ATP8A1: variants seen among roughly 807,000 people sequenced by gnomAD.
ATP8A1 encodes phospholipid-transporting ATPase IA.
ATP8A1 carries 90 observed loss-of-function variants against 177.7 expected under a neutral mutation model. That is an observed-to-expected ratio of 0.51 (90% CI 0.43 to 0.60). ATP8A1 has a LOEUF of 0.60. Ranked by LOEUF, ATP8A1 falls within the 20% of genes least tolerant of loss-of-function variation. The pLI is 0.00. For synonymous variants in ATP8A1, 493 were observed against 485.9 expected (o/e 1.01, Z -0.19); for missense variants, 1,072 against 1,392.8 (o/e 0.77, Z 3.67).
chr4:42,420,791 C>G (rs1481822754), intron 35 of ATP8A1, among the ~76,000 whole-genome samples: 1 of 135,652 alleles, frequency 7.4e-6, no homozygotes, highest in Non-Finnish European at 1.5e-5. Context: ...TTTTTTGAGA[C>G]AGAGTCTCGC....
At position 42,616,049 on chromosome 4, in the gene ATP8A1, G is replaced by T; in HGVS notation, c.393C>A (p.Asn131Lys). The T allele has an allele frequency of 6.2e-7, 1 of 1,611,954 alleles. No homozygotes were observed. Among genetic ancestry groups the T allele is most frequent in the Non-Finnish European group, 8.5e-7 (1 of 1,179,182 alleles). ...IKRHKADNAV[N>K]KKQTQVLRNG... The stretch of plus-strand genomic sequence containing the variant: ...AATTCCTACCTTGCGTTTGTTTCTT[G>T]TTCACTGCATTATCAGCTTTATGTC... The change falls in exon 5 of 37, where the codon AAC becomes AAA. Residue 131 changes from asparagine (N) to lysine (K), a missense_variant. This residue lies in a region of ATP8A1 where 344 missense variants were observed against 393.5 expected (regional missense o/e 0.87). Coordinates refer to ENST00000381668, the MANE Select transcript of ATP8A1 (RefSeq NM_006095.2).
intron 4 of ATP8A1, among the ~76,000 whole-genome samples, chr4:42,622,236 G>C (rs920056499): frequency 1.4e-5 from 2 of 145,484 alleles, no homozygotes; most frequent in Non-Finnish European, 3.1e-5. Context: ...AAAAAAATTA[G>C]CCGGGAATGG....
chr4:42,481,737 G>C (rs1721692449), intron 25 of ATP8A1, among the ~76,000 whole-genome samples: 1 of 152,136 alleles, frequency 6.6e-6, no homozygotes, highest in South Asian at 2.1e-4. Flanking sequence ...ACCCCTGAAG[G>C]GCTTCATGAA....
chr4:42,446,715 A>G, intron 30 of ATP8A1, 71 bp from the exon 31 acceptor site: 1 of 1,450,480 alleles, frequency 6.9e-7, no homozygotes, highest in African/African-American at 1.4e-5. Flanking sequence ...AGATATTCAG[A>G]AAGTTTGAAC....
chr4:42,481,004 TTAAAC>T lies in ATP8A1; in HGVS notation c.2324+4487_2324+4491del, dbSNP rs762161298. ...ACAGAACATAAGTTTCAAAATATGT[TTAAAC>T]TAAACTGACAACTACAGAAAAATGT... On this transcript the variant is annotated intron_variant, in intron 25 of 36. Transcript: ENST00000381668. 1.7e-4 allele frequency among the ~76,000 whole-genome samples: 26 copies of T among 152,318 alleles called. 1 individual carries two copies. In the South Asian group the frequency reaches 4.8e-3, roughly 28 times the overall value.
intron 17 of ATP8A1, 133 bp from the exon 18 acceptor site, chr4:42,551,413 C>G: frequency 1.6e-6 from 1 of 619,050 alleles, no homozygotes; most frequent in Non-Finnish European, 2.9e-6. Flanking sequence ...TGTTATTAAT[C>G]CAATTATTTT....
At chr4:42,525,497 T>C (rs977533744) in intron 20 of ATP8A1, among the ~76,000 whole-genome samples, 20 of 152,214 alleles carry the variant, frequency 1.3e-4, no homozygotes, top group African/African-American at 4.8e-4. Flanking sequence ...TAGCTGAATA[T>C]TTCTGATTGT....
chr4:42,607,496 G>A (rs556181322), intron 5 of ATP8A1, among the ~76,000 whole-genome samples: 4 of 152,210 alleles, frequency 2.6e-5, no homozygotes, highest in South Asian at 2.1e-4. Context: ...AGCAATCTAG[G>A]TATTTTTAAA....
Position 42,414,733 on chromosome 4 carries a change from C to A in ATP8A1, c.3306-15G>T, listed in dbSNP as rs1285949083. ...TCTCGGTCAGGCTGCAGAGCAGGTG[C>A]AAATGTGTGAAATGAATTATCAACT... is the stretch of plus-strand genomic sequence containing the variant. On this transcript the variant is annotated splice_polypyrimidine_tract_variant and intron_variant, in intron 35 of 36. Transcript: ENST00000381668. 1.2e-6 allele frequency: 2 copies of A among 1,607,796 alleles called. No individual in the cohort carries two copies. The highest frequency in any genetic ancestry group is 2.2e-5 in the South Asian group (2 of 90,962).
chr4:42,626,826 A>C (rs941128317), intron 2 of ATP8A1, 169 bp downstream of exon 2: 2 of 634,072 alleles, frequency 3.2e-6, no homozygotes, highest in African/African-American at 3.7e-5. Flanking sequence ...GATTCTTATG[A>C]ATATTTCTCT....
chr4:42,569,528 G>A (rs892661738), intron 14 of ATP8A1, among the ~76,000 whole-genome samples: 2 of 151,996 alleles, frequency 1.3e-5, no homozygotes, highest in Admixed American at 6.6e-5. Context: ...TAAAGCCAAT[G>A]GAAAATTAAT....
intron 8 of ATP8A1, among the ~76,000 whole-genome samples, chr4:42,587,031 T>A (rs1249380317): frequency 1.3e-5 from 2 of 152,156 alleles, no homozygotes; most frequent in Non-Finnish European, 2.9e-5. Flanking sequence ...CCCTCCCAAA[T>A]GTCATTTTCA....
intron 22 of ATP8A1, among the ~76,000 whole-genome samples, chr4:42,515,168 G>T (rs868490117): frequency 6.6e-6 from 1 of 152,188 alleles, no homozygotes; most frequent in African/African-American, 2.4e-5. Flanking sequence ...TCAGAAAGTG[G>T]CAGGTCTAAT....
intron 20 of ATP8A1, among the ~76,000 whole-genome samples, chr4:42,525,465 A>G (rs1438369691): frequency 1.3e-5 from 2 of 152,218 alleles, no homozygotes; most frequent in African/African-American, 4.8e-5. Flanking sequence ...AGAACCTCGA[A>G]CAACTCTCGA....
intron 6 of ATP8A1, among the ~76,000 whole-genome samples, chr4:42,595,786 G>A (rs1734660253): frequency 6.6e-6 from 1 of 152,156 alleles, no homozygotes; most frequent in South Asian, 2.1e-4. Flanking sequence ...ACACTATCGT[G>A]TTAGAGTCTA....
chr4:42,588,546 G>A (rs762049770), intron 7 of ATP8A1: 1 of 450,060 alleles, frequency 2.2e-6, no homozygotes, highest in Non-Finnish European at 4.0e-6. Context: ...GGACCCAAAA[G>A]CAATTTCCTG....
intron 1 of ATP8A1, among the ~76,000 whole-genome samples, chr4:42,651,375 G>GA (rs1267097118): frequency 6.6e-6 from 1 of 152,194 alleles, no homozygotes; most frequent in Non-Finnish European, 1.5e-5. Flanking sequence ...GGAGGGCCCA[G>GA]AAAGCAGGAA....
chr4:42,638,838 C>A (rs978139264), intron 1 of ATP8A1, among the ~76,000 whole-genome samples: 58 of 152,182 alleles, frequency 3.8e-4, no homozygotes, highest in African/African-American at 1.3e-3. Flanking sequence ...CTTAAAGCAC[C>A]ACTGACTTGC....
chr4:42,544,848 T>C (rs754901785), intron 19 of ATP8A1, among the ~76,000 whole-genome samples: 5 of 152,230 alleles, frequency 3.3e-5, no homozygotes, highest in Admixed American at 6.5e-5. Flanking sequence ...CAGGAGTTTC[T>C]TTCAGAGGTA....
Sources: allele counts gnomAD v4.1 joint callset (sites outside exome capture counted in the v4.1 genomes callset), GRCh38; gene constraint gnomAD v4.1.1; regional missense constraint gnomAD v4.1.1; transcripts MANE v1.5; gene names NCBI Gene and HGNC (gene_info 2026-07-23, HGNC 2026-07-21).